FNBP1L: variants seen among roughly 807,000 people sequenced by gnomAD.
The protein encoded by FNBP1L is formin binding protein 1 like, also known as formin-binding protein 1-like.
A neutral mutation model predicts 91.2 loss-of-function variants in FNBP1L; 36 were observed. The ratio of observed to expected loss-of-function variants is 0.39; its 90% CI spans 0.30 to 0.52. The LOEUF is 0.52. FNBP1L is among the 20% of genes least tolerant of loss of function. The pLI, the probability that FNBP1L is intolerant of heterozygous loss-of-function variation, is 0.66. For missense variants in FNBP1L, 571 were observed against 732.1 expected, an observed-to-expected ratio of 0.78 and a Z score of 2.54; for synonymous variants, 242 against 237.0, an observed-to-expected ratio of 1.02 and a Z score of -0.19.
chr1:93,515,134 C>T (rs1329838478), intron 2 of FNBP1L, among the ~76,000 whole-genome samples: 1 of 152,220 alleles, frequency 6.6e-6, no homozygotes, highest in Non-Finnish European at 1.5e-5. Flanking sequence ...CAAAAGAAGA[C>T]ATTTATGCAG....
chr1:93,482,327 T>C (rs1351092717), intron 1 of FNBP1L, among the ~76,000 whole-genome samples: 1 of 152,210 alleles, frequency 6.6e-6, no homozygotes, highest in Non-Finnish European at 1.5e-5. Context: ...TGTAAACATA[T>C]GATTTATTTC....
chr1:93,510,923 C>T (rs1307178677), intron 2 of FNBP1L, among the ~76,000 whole-genome samples: 9 of 151,976 alleles, frequency 5.9e-5, no homozygotes, highest in African/African-American at 9.7e-5. Context: ...TAAAAAGAAA[C>T]GAACAAAGCC....
intron 10 of FNBP1L, among the ~76,000 whole-genome samples, chr1:93,539,248 A>T (rs906726824): frequency 3.9e-5 from 6 of 152,056 alleles, no homozygotes; most frequent in Non-Finnish European, 7.4e-5. Flanking sequence ...AAAATGAAAT[A>T]CACCTAATAA....
intron 1 of FNBP1L, among the ~76,000 whole-genome samples, chr1:93,448,575 T>C (rs1668356503): frequency 6.6e-6 from 1 of 152,034 alleles, no homozygotes; most frequent in African/African-American, 2.4e-5. Flanking sequence ...GCCCGCGGGC[T>C]CCTGCGTGCG....
intron 8 of FNBP1L, among the ~76,000 whole-genome samples, chr1:93,533,895 G>C (rs1419531623): frequency 6.6e-6 from 1 of 152,070 alleles, no homozygotes; most frequent in Non-Finnish European, 1.5e-5. Flanking sequence ...ACAAAAGTAA[G>C]CTATGACTTA....
intron 13 of FNBP1L, 115 bp from the exon 14 acceptor site, chr1:93,547,232 A>G (rs1191311575): frequency 1.0e-6 from 1 of 968,872 alleles, no homozygotes; most frequent in East Asian, 2.6e-5. Flanking sequence ...TAAAGGTTTC[A>G]CATCTCTAAG....
intron 2 of FNBP1L, among the ~76,000 whole-genome samples, chr1:93,507,316 A>G (rs1670671597): frequency 6.6e-6 from 1 of 152,158 alleles, no homozygotes; most frequent in Admixed American, 6.5e-5. Flanking sequence ...ATAAACTGCT[A>G]TCATAATTGG....
intron 10 of FNBP1L, among the ~76,000 whole-genome samples, chr1:93,540,247 G>T (rs1036782813): frequency 2.0e-5 from 3 of 152,062 alleles, no homozygotes; most frequent in African/African-American, 7.2e-5. Context: ...ACTATGGTTG[G>T]TCTCTTCAGA....
At chr1:93,482,567 A>G (rs1453871007) in intron 1 of FNBP1L, among the ~76,000 whole-genome samples, 2 of 152,200 alleles carry the variant, frequency 1.3e-5, no homozygotes, top group African/African-American at 2.4e-5. Context: ...TTCATTTACA[A>G]TACTGTGCAT....
chr1:93,477,457 A>G (rs992507174), intron 1 of FNBP1L, among the ~76,000 whole-genome samples: 1 of 152,236 alleles, frequency 6.6e-6, no homozygotes, highest in Non-Finnish European at 1.5e-5. Context: ...TTTGTCTTAA[A>G]TAGATGGTAG....
chr1:93,481,661 A>G (rs1010329289), intron 1 of FNBP1L, among the ~76,000 whole-genome samples: 4 of 152,240 alleles, frequency 2.6e-5, no homozygotes, highest in Admixed American at 2.6e-4. Context: ...AGAGAGTAAC[A>G]GACTGCTGTC....
chr1:93,466,157 T>C (rs754043105), intron 1 of FNBP1L, among the ~76,000 whole-genome samples: 6 of 152,198 alleles, frequency 3.9e-5, no homozygotes, highest in Admixed American at 6.5e-5. Flanking sequence ...AGGTTGCCTG[T>C]TCACTCTGAT....
At chr1:93,449,283 A>AGGGCAGTGATTTCTCAGGTGCGGC (rs1668400165) in intron 1 of FNBP1L, among the ~76,000 whole-genome samples, 1 of 150,218 alleles carries the variant, frequency 6.7e-6, no homozygotes, top group Non-Finnish European at 1.5e-5. Flanking sequence ...TCAGGTGCGG[A>AGGGCAGTGATTTCTCAGGTGCGGC]GGGCAGTGAT....
At chr1:93,466,824 C>T (rs1443283011) in intron 1 of FNBP1L, among the ~76,000 whole-genome samples, 1 of 152,122 alleles carries the variant, frequency 6.6e-6, no homozygotes, top group African/African-American at 2.4e-5. Flanking sequence ...CTGATTCTTC[C>T]TATCCATGAG....
At chr1:93,545,792 A>G (rs975246951) in intron 12 of FNBP1L, among the ~76,000 whole-genome samples, 4 of 152,030 alleles carry the variant, frequency 2.6e-5, no homozygotes, top group Non-Finnish European at 4.4e-5. Flanking sequence ...TTTCAAAGCC[A>G]AAGTAGGTTG....
intron 1 of FNBP1L, among the ~76,000 whole-genome samples, chr1:93,454,909 T>TTTTATTTATTTATTTA (rs199611646): frequency 4.0e-5 from 6 of 150,932 alleles, no homozygotes; most frequent in African/African-American, 1.5e-4. Flanking sequence ...GCTGTTTTAT[T>TTTTATTTATTTATTTA]TTTATTTATT....
At chr1:93,522,037 A>G (rs1186312539) in intron 2 of FNBP1L, 45 bp from the exon 3 acceptor site, 2 of 1,224,268 alleles carry the variant, frequency 1.6e-6, no homozygotes, top group South Asian at 1.6e-5. Context: ...AATTGTAACA[A>G]TAGTTGAAAT....
At chr1:93,507,098 CA>C (rs1670653900) in intron 2 of FNBP1L, among the ~76,000 whole-genome samples, 5 of 90,240 alleles carry the variant, frequency 5.5e-5, no homozygotes, top group East Asian at 4.4e-4. Flanking sequence ...CACACACACA[CA>C]CACACACACT....
chr1:93,451,266 C>G (rs1013046572), intron 1 of FNBP1L, among the ~76,000 whole-genome samples: 11 of 151,842 alleles, frequency 7.2e-5, no homozygotes, highest in African/African-American at 2.7e-4. Flanking sequence ...AAATTACTAG[C>G]TTTTTTTTAA....
Sources: gnomAD v4.1 joint callset for allele counts (sites outside exome capture counted in the v4.1 genomes callset) on GRCh38, gnomAD v4.1.1 for gene constraint, MANE v1.5 for transcripts, NCBI Gene and HGNC (gene_info 2026-07-23, HGNC 2026-07-21) for gene names.